DOCK7: variants seen among roughly 807,000 people sequenced by gnomAD.
The protein encoded by DOCK7 is dedicator of cytokinesis 7, also known as dedicator of cytokinesis protein 7.
A neutral mutation model predicts 271.0 loss-of-function variants in DOCK7; 138 were observed. That is an observed-to-expected ratio of 0.51 (90% CI 0.44 to 0.59). DOCK7 has a LOEUF of 0.59. Among genes scored for constraint, DOCK7 ranks in the 20% least tolerant of loss-of-function variants. DOCK7 has a pLI of 0.00. For missense variants in DOCK7, 2,066 were observed against 2,592.4 expected (o/e 0.80, Z 4.41); for synonymous variants, 823 against 876.1 (o/e 0.94, Z 1.07).
rs961631737 is a variant in DOCK7, at chr1:62,641,514, A to G, written c.819-4911T>C. 3.3e-5 allele frequency: 15 copies of G among 454,258 alleles called. No homozygotes were observed. In the Admixed American group the frequency reaches 3.5e-4, roughly 11 times the overall value. 28.1% of individuals were successfully genotyped at this position (454,258 alleles called of 1,614,324 possible). A position where few individuals can be genotyped will look rare whatever the true frequency, so the allele number is the denominator to read the frequency against. On this transcript the variant is annotated intron_variant, in intron 7 of 49. Coordinates refer to ENST00000635253, the MANE Select transcript of DOCK7 (RefSeq NM_001367561.1). ...AGGTGGCTGGGGGCTTGGAAATGGT[A>G]GGGTCCTCAGAAAGGATTGGTGTTC...
At chr1:62,559,323 C>G (rs1646246347) in intron 19 of DOCK7, 103 bp from the exon 20 acceptor site, 2 of 765,308 alleles carry the variant, frequency 2.6e-6, no homozygotes, top group Non-Finnish European at 4.1e-6. Flanking sequence ...CTTGATAACA[C>G]TAAAAAGTTC....
intron 30 of DOCK7, 94 bp from the exon 31 acceptor site, chr1:62,528,399 T>G: frequency 8.5e-7 from 1 of 1,178,038 alleles, no homozygotes; most frequent in Non-Finnish European, 1.2e-6. Flanking sequence ...AATAACTTGT[T>G]GACATGTTAT....
Position 62,535,591 on chromosome 1 carries a change from T to C in DOCK7, c.3513A>G (p.Ala1171=). The C allele has an allele frequency of 6.2e-7, 1 of 1,614,014 alleles. No homozygotes were observed. Among genetic ancestry groups the C allele is most frequent in the East Asian group, 2.2e-5 (1 of 44,840 alleles). Residue 1171 remains alanine, a synonymous_variant, in exon 29 of 50, where the codon GCA becomes GCG. Coordinates refer to ENST00000635253, the MANE Select transcript of DOCK7 (RefSeq NM_001367561.1). ...AAGGCACGGATAATTCAAACATATTTGCAATCTTTTGGTCTTGTACATTCG... is the reference window on the plus strand; with the variant it reads ...AAGGCACGGATAATTCAAACATATTCGCAATCTTTTGGTCTTGTACATTCG... ...FSTNVQDQKI[A]NMFELSVPFR...
At chr1:62,661,425 A>G (rs1658649085) in intron 2 of DOCK7, among the ~76,000 whole-genome samples, 1 of 152,000 alleles carries the variant, frequency 6.6e-6, no homozygotes, top group South Asian at 2.1e-4. Context: ...TAGAATGGTA[A>G]ATTTTATGTT....
chr1:62,619,993 C>A lies in DOCK7; in HGVS notation c.1426G>T (p.Glu476Ter). Residue 476 changes from glutamate (E) to a stop codon, truncating the protein, a stop_gained and splice_region_variant, in exon 13 of 50, where the codon GAA (glutamate) becomes TAA (stop). Transcript: ENST00000635253. LOFTEE classifies it high-confidence loss of function. ...TLTVTNFFKQ[E>*]GDRLSDEDLY... ...TCTTCATCACTTAAGCGGTCTCCTTCCTGATTTCAATAATAGAGGAAAAAG... is the reference window on the plus strand; with the variant it reads ...TCTTCATCACTTAAGCGGTCTCCTTACTGATTTCAATAATAGAGGAAAAAG... 6.2e-7 allele frequency: 1 copy of A among 1,610,318 alleles called. No homozygotes were observed. The highest frequency in any genetic ancestry group is 8.5e-7 in the Non-Finnish European group (1 of 1,177,620).
chr1:62,555,010 C>T (rs1381350026), intron 21 of DOCK7, among the ~76,000 whole-genome samples: 1 of 152,144 alleles, frequency 6.6e-6, no homozygotes. Context: ...AAGGCACTTG[C>T]CATTATCATT....
intron 37 of DOCK7, 127 bp from the exon 38 acceptor site, chr1:62,496,624 T>G (rs889283075): frequency 1.2e-6 from 1 of 824,208 alleles, no homozygotes; most frequent in Non-Finnish European, 1.8e-6. Context: ...TTTAAAGTAA[T>G]AAAATATGCA....
intron 41 of DOCK7, among the ~76,000 whole-genome samples, chr1:62,490,060 C>CA (rs1646415136): frequency 7.9e-6 from 1 of 126,136 alleles, no homozygotes; most frequent in Non-Finnish European, 1.6e-5. Context: ...ATCCCTTATC[C>CA]TTTTTTTTTT....
intron 2 of DOCK7, among the ~76,000 whole-genome samples, chr1:62,662,800 G>A (rs1658822554): frequency 6.6e-6 from 1 of 152,000 alleles, no homozygotes; most frequent in Admixed American, 6.6e-5. Flanking sequence ...TAAAATTCCA[G>A]GATTGATTAA....
chr1:62,688,144 C>T, intron 1 of DOCK7, 83 bp downstream of exon 1: 3 of 1,224,802 alleles, frequency 2.4e-6, no homozygotes, highest in African/African-American at 3.2e-5. Context: ...GCCACACCCA[C>T]CCGCCTCCTA....
chr1:62,546,243 C>A (rs996931339), intron 22 of DOCK7, among the ~76,000 whole-genome samples: 1 of 152,018 alleles, frequency 6.6e-6, no homozygotes, highest in African/African-American at 2.4e-5. Flanking sequence ...GCTGTGAGTG[C>A]GGCCCAGACA....
intron 48 of DOCK7, among the ~76,000 whole-genome samples, chr1:62,470,442 TA>T (rs1200702873): frequency 6.6e-6 from 1 of 151,924 alleles, no homozygotes; most frequent in African/African-American, 2.4e-5. Flanking sequence ...GGATGAGGGA[TA>T]AAAGACTGGG....
intron 21 of DOCK7, 41 bp downstream of exon 21, chr1:62,555,784 A>G (rs748839005): frequency 2.5e-6 from 4 of 1,579,488 alleles, no homozygotes; most frequent in Non-Finnish European, 3.4e-6. Flanking sequence ...ATGAACATAT[A>G]ATTTATGAAA....
In DOCK7 at chr1:62,476,863, GAAAAAT is replaced by G. The variant is rs1571224733; in HGVS notation, c.5635-713_5635-708del. 2.0e-5 allele frequency: 3 copies of G among 152,122 alleles called. No homozygotes were observed. The East Asian group carries it at 5.8e-4, about 29-fold the overall frequency. 9.4% of individuals were successfully genotyped at this position (152,122 alleles called of 1,614,324 possible). ...TCCCAAGACTTACACCTAACCTCTT[GAAAAAT>G]AAAAAGTCACAGTTTGAGCCAATTT... is the stretch of plus-strand genomic sequence containing the variant. On this transcript the variant is annotated intron_variant, in intron 44 of 49. Transcript: ENST00000635253.
At chr1:62,556,788 G>C (rs1465021242) in intron 20 of DOCK7, among the ~76,000 whole-genome samples, 1 of 152,116 alleles carries the variant, frequency 6.6e-6, no homozygotes, top group African/African-American at 2.4e-5. Flanking sequence ...TTTCCCAAAA[G>C]TAGAATAATC....
intron 12 of DOCK7, 122 bp downstream of exon 12, chr1:62,625,137 A>G: frequency 2.5e-6 from 2 of 806,964 alleles, no homozygotes; most frequent in South Asian, 3.1e-5. Flanking sequence ...TTTTATTCTT[A>G]AAGTTTTTAA....
intron 14 of DOCK7, chr1:62,597,492 T>G (rs568241193): frequency 1.3e-6 from 2 of 1,520,842 alleles, no homozygotes; most frequent in Non-Finnish European, 1.8e-6. Flanking sequence ...TTGGTATATA[T>G]AGAGTTAAGA....
rs55865872 is a variant in DOCK7, at chr1:62,513,580, A to G, written c.4146T>C (p.Asn1382=). 6.2e-7 allele frequency: 1 copy of G among 1,613,570 alleles called. No individual in the cohort carries two copies. Among genetic ancestry groups the G allele is most frequent in the East Asian group, 2.2e-5 (1 of 44,874 alleles). ...YKGKKVFERM[N]SLTFKKSKDM... Reference sequence around the variant, plus strand: ...CTTTTGATTTCTTAAAGGTCAAGCTATTCATTCGTTCAAACACTTTTTTCC... The same window carrying G: ...CTTTTGATTTCTTAAAGGTCAAGCTGTTCATTCGTTCAAACACTTTTTTCC... The change falls in exon 33 of 50, where the codon AAT becomes AAC. Residue 1382 remains asparagine (N), a synonymous_variant. Transcript: ENST00000635253.
intron 11 of DOCK7, 101 bp downstream of exon 11, chr1:62,631,139 C>T (rs1360071404): frequency 3.4e-5 from 36 of 1,049,938 alleles, no homozygotes; most frequent in African/African-American, 2.7e-4. Flanking sequence ...GAGCCAAGAT[C>T]GTGCCACTGC....
Sources: allele counts gnomAD v4.1 joint callset (sites outside exome capture counted in the v4.1 genomes callset), GRCh38; gene constraint gnomAD v4.1.1; transcripts MANE v1.5; gene names NCBI Gene and HGNC (gene_info 2026-07-23, HGNC 2026-07-21).